Variants in UST observed in about 807,000 individuals in gnomAD.
UST encodes chondroitin sulfate 2-O-sulfotransferase.
UST carries 21 observed loss-of-function variants against 45.6 expected under a neutral mutation model. That is an observed-to-expected ratio of 0.46 (90% CI 0.33 to 0.66). UST has a LOEUF of 0.66. UST is among the 30% of genes least tolerant of loss of function. The pLI, the probability that UST is intolerant of heterozygous loss-of-function variation, is 0.02. For synonymous variants in UST, 215 were observed against 200.6 expected, an observed-to-expected ratio of 1.07 and a Z score of -0.61; for missense variants, 463 against 512.4, an observed-to-expected ratio of 0.90 and a Z score of 0.93.
intron 7 of UST, among the ~76,000 whole-genome samples, chr6:149,065,113 T>A (rs1213116940): frequency 1.3e-5 from 2 of 152,208 alleles, no homozygotes; most frequent in Non-Finnish European, 2.9e-5. Context: ...CACTTCTTCA[T>A]GGTTAATCCG....
intron 6 of UST, among the ~76,000 whole-genome samples, chr6:149,020,710 C>A (rs1252637671): frequency 6.6e-6 from 1 of 152,168 alleles, no homozygotes; most frequent in Non-Finnish European, 1.5e-5. Flanking sequence ...CCGGGCTTTT[C>A]TCACTCGCCT....
At chr6:148,947,984 C>G (rs1389116059) in intron 3 of UST, among the ~76,000 whole-genome samples, 7 of 151,912 alleles carry the variant, frequency 4.6e-5, no homozygotes, top group Admixed American at 3.3e-4. Context: ...ATAAGTTTTT[C>G]CTTTCCTTCC....
intron 1 of UST, among the ~76,000 whole-genome samples, chr6:148,821,369 T>C (rs1777463294): frequency 6.6e-6 from 1 of 152,198 alleles, no homozygotes; most frequent in South Asian, 2.1e-4. Context: ...ATGCAAATTA[T>C]GCTGTCTTTT....
chr6:149,002,743 G>T (rs1781575184), intron 5 of UST, among the ~76,000 whole-genome samples: 1 of 152,148 alleles, frequency 6.6e-6, no homozygotes, highest in South Asian at 2.1e-4. Context: ...CTGACCTCAG[G>T]TAATCCACCT....
At chr6:148,951,807 T>C (rs980723045) in intron 3 of UST, among the ~76,000 whole-genome samples, 3 of 152,254 alleles carry the variant, frequency 2.0e-5, no homozygotes, top group African/African-American at 7.2e-5. Context: ...CTTGATTCTA[T>C]GTTTAAAGAT....
At chr6:148,882,355 G>A (rs1181844739) in intron 1 of UST, among the ~76,000 whole-genome samples, 2 of 151,876 alleles carry the variant, frequency 1.3e-5, no homozygotes, top group African/African-American at 4.8e-5. Flanking sequence ...GCATGTTGGC[G>A]GGTGCCTGTA....
chr6:148,909,739 C>G (rs1779438047), intron 2 of UST, among the ~76,000 whole-genome samples: 1 of 152,182 alleles, frequency 6.6e-6, no homozygotes, highest in African/African-American at 2.4e-5. Context: ...TAAGTGATTA[C>G]TTTGCTTTGC....
intron 1 of UST, among the ~76,000 whole-genome samples, chr6:148,848,729 C>G (rs940403509): frequency 3.3e-5 from 5 of 151,580 alleles, no homozygotes; most frequent in Admixed American, 1.3e-4. Flanking sequence ...GAGAAACTTT[C>G]AAACTCTGTT....
At chr6:148,839,669 A>G (rs1276410655) in intron 1 of UST, among the ~76,000 whole-genome samples, 1 of 152,134 alleles carries the variant, frequency 6.6e-6, no homozygotes, top group East Asian at 1.9e-4. Context: ...CTTGGATCCC[A>G]CCAAAAATGG....
chr6:148,784,771 T>G (rs1776706686), intron 1 of UST, among the ~76,000 whole-genome samples: 2 of 152,204 alleles, frequency 1.3e-5, no homozygotes, highest in Admixed American at 1.3e-4. Flanking sequence ...TCAAGTCAGG[T>G]AGAAACAATA....
chr6:148,847,472 A>G (rs1485305522), intron 1 of UST, among the ~76,000 whole-genome samples: 3 of 152,142 alleles, frequency 2.0e-5, no homozygotes. Context: ...CTCAGCATTC[A>G]TTTTCAGGCC....
At chr6:148,894,633 T>C (rs1301159284) in intron 2 of UST, among the ~76,000 whole-genome samples, 1 of 152,092 alleles carries the variant, frequency 6.6e-6, no homozygotes, top group Non-Finnish European at 1.5e-5. Context: ...ATTTCTGTTG[T>C]TTTAAGCCAC....
chr6:148,967,395 GC>G (rs1451660420), intron 5 of UST, among the ~76,000 whole-genome samples: 1 of 152,206 alleles, frequency 6.6e-6, no homozygotes, highest in African/African-American at 2.4e-5. Flanking sequence ...TCTGGTTCCA[GC>G]CTGACCTGGT....
intron 1 of UST, among the ~76,000 whole-genome samples, chr6:148,856,617 C>T (rs1485355796): frequency 3.3e-5 from 5 of 152,128 alleles, no homozygotes; most frequent in South Asian, 2.1e-4. Flanking sequence ...GGTTGCGGGG[C>T]GGGCTTTCCC....
Position 148,928,224 on chromosome 6 carries a change from C to T in UST, c.292-13055C>T, listed in dbSNP as rs995267928. Among the ~76,000 whole-genome samples the T allele has an allele frequency of 3.9e-5, 6 of 152,110 alleles. No individual in the cohort carries two copies. The East Asian group carries it at 7.7e-4, about 20-fold the overall frequency. Reference sequence around the variant, plus strand: ...GGGCTCTTGCCCTCATTTTAAACTTCTGTTTCCTTCATTTGTTTCTTTAAC... The same window carrying T: ...GGGCTCTTGCCCTCATTTTAAACTTTTGTTTCCTTCATTTGTTTCTTTAAC... On this transcript the variant is annotated intron_variant, in intron 2 of 7. Coordinates refer to ENST00000367463, the MANE Select transcript of UST (RefSeq NM_005715.3).
intron 7 of UST, among the ~76,000 whole-genome samples, chr6:149,049,337 A>G (rs988037908): frequency 4.6e-5 from 7 of 152,224 alleles, no homozygotes; most frequent in Non-Finnish European, 8.8e-5. Flanking sequence ...TTGAAATATG[A>G]TGTGACATGA....
chr6:148,768,618 A>C (rs141595830), intron 1 of UST, among the ~76,000 whole-genome samples: 28 of 152,262 alleles, frequency 1.8e-4, no homozygotes, highest in African/African-American at 6.5e-4. Context: ...ATTGGCATTT[A>C]TTTTGGTGTA....
intron 4 of UST, among the ~76,000 whole-genome samples, chr6:148,963,748 C>A (rs6932862): frequency 0.35 from 53,903 of 152,124 alleles, 9,572 homozygotes; most frequent in Middle Eastern, 0.42. Flanking sequence ...AAGTTATGAA[C>A]CTTATTCCTG....
chr6:149,001,858 G>A (rs1781555875), intron 5 of UST, among the ~76,000 whole-genome samples: 1 of 152,160 alleles, frequency 6.6e-6, no homozygotes, highest in Non-Finnish European at 1.5e-5. Flanking sequence ...ACTTTAAAAA[G>A]GTGAGTGGTG....
Sources: allele counts gnomAD v4.1 joint callset (sites outside exome capture counted in the v4.1 genomes callset), GRCh38; gene constraint gnomAD v4.1.1; transcripts MANE v1.5; gene names NCBI Gene and HGNC (gene_info 2026-07-23, HGNC 2026-07-21).